Variants in EXOC2 observed in about 807,000 individuals in gnomAD.
EXOC2 encodes SEC5-like 1.
A neutral mutation model predicts 131.8 loss-of-function variants in EXOC2; 70 were observed. That is an observed-to-expected ratio of 0.53 (90% CI 0.44 to 0.65). The LOEUF (loss-of-function observed/expected upper bound fraction) is 0.65. EXOC2 is among the 30% of genes least tolerant of loss of function. The pLI, the probability that EXOC2 is intolerant of heterozygous loss-of-function variation, is 0.00. For synonymous variants in EXOC2, 411 were observed against 398.4 expected (o/e 1.03, Z -0.38); for missense variants, 923 against 1,108.6 (o/e 0.83, Z 2.38).
intron 23 of EXOC2, among the ~76,000 whole-genome samples, chr6:527,194 T>C (rs1765793710): frequency 6.6e-6 from 1 of 152,236 alleles, no homozygotes; most frequent in Admixed American, 6.5e-5. Context: ...GTCTGCAGTT[T>C]TCCATTTTTT....
At chr6:581,241 T>C (rs1294553688) in intron 11 of EXOC2, among the ~76,000 whole-genome samples, 1 of 148,428 alleles carries the variant, frequency 6.7e-6, no homozygotes, top group African/African-American at 2.5e-5. Flanking sequence ...GATTGCAGAA[T>C]GCCAAGATCA....
At chr6:516,657 G>C (rs1765180928) in intron 23 of EXOC2, among the ~76,000 whole-genome samples, 1 of 152,202 alleles carries the variant, frequency 6.6e-6, no homozygotes, top group Non-Finnish European at 1.5e-5. Flanking sequence ...ATAATAGCTG[G>C]GCTGGGGGAA....
chr6:614,895 C>A (rs1311006454), intron 6 of EXOC2, among the ~76,000 whole-genome samples: 2 of 151,624 alleles, frequency 1.3e-5, no homozygotes, highest in East Asian at 3.9e-4. Flanking sequence ...ACTATGAGAA[C>A]AGAGACTATG....
intron 25 of EXOC2, among the ~76,000 whole-genome samples, chr6:494,525 T>G (rs1763608133): frequency 6.6e-6 from 1 of 152,052 alleles, no homozygotes; most frequent in South Asian, 2.1e-4. Flanking sequence ...TTGACTGATG[T>G]ATACACCTGT....
chr6:589,360 TG>T (rs1203556692), intron 11 of EXOC2, among the ~76,000 whole-genome samples: 2 of 149,604 alleles, frequency 1.3e-5, no homozygotes, highest in Non-Finnish European at 3.0e-5. Context: ...TTCTCAATGC[TG>T]ATCTAGAGAA....
intron 25 of EXOC2, among the ~76,000 whole-genome samples, chr6:492,414 C>T (rs4959948): frequency 3.9e-5 from 6 of 152,146 alleles, no homozygotes; most frequent in Non-Finnish European, 5.9e-5. Context: ...TATGCACGCA[C>T]GAGACATGAA....
chr6:552,629 CAA>C (rs11315958), intron 21 of EXOC2, among the ~76,000 whole-genome samples: 2 of 151,770 alleles, frequency 1.3e-5, no homozygotes, highest in Non-Finnish European at 2.9e-5. Context: ...TCAACAACAA[CAA>C]AAAAAAACCC....
At chr6:671,048 C>CAA (rs376028047) in intron 1 of EXOC2, among the ~76,000 whole-genome samples, 4,720 of 82,302 alleles carry the variant, frequency 0.057, 244 homozygotes, top group Admixed American at 0.092. Flanking sequence ...GACTCCATCT[C>CAA]AAAAAAAAAA....
At chr6:658,654 T>C (rs1344695180) in intron 1 of EXOC2, among the ~76,000 whole-genome samples, 1 of 75,512 alleles carries the variant, frequency 1.3e-5, no homozygotes, top group East Asian at 5.2e-4. Context: ...TTTATATATA[T>C]ATATATATAT....
chr6:650,617 A>C (rs1358725294), intron 1 of EXOC2, among the ~76,000 whole-genome samples: 1 of 152,230 alleles, frequency 6.6e-6, no homozygotes, highest in East Asian at 1.9e-4. Flanking sequence ...TAGAAGAATA[A>C]ATTATCTTTT....
chr6:631,315 G>A (rs953666420), intron 3 of EXOC2, among the ~76,000 whole-genome samples: 3 of 152,102 alleles, frequency 2.0e-5, no homozygotes, highest in African/African-American at 4.8e-5. Flanking sequence ...CGAGGTGGGC[G>A]AATCACAAGG....
Position 665,575 on chromosome 6 carries a change from T to G in EXOC2, c.-44+27444A>C, listed in dbSNP as rs1225672619. On this transcript the variant is annotated intron_variant, in intron 1 of 27. Transcript: ENST00000230449. Reference sequence around the variant, plus strand: ...GCTGATAAAGAAACTGTGGTATATATATACAATGGAATACTATGCAGCCAT... The same window carrying G: ...GCTGATAAAGAAACTGTGGTATATAGATACAATGGAATACTATGCAGCCAT... Among the ~76,000 whole-genome samples, 5 of 152,176 alleles carry G rather than the reference T, an allele frequency of 3.3e-5. 1 individual carries two copies. The highest frequency in any genetic ancestry group is 1.5e-5 in the Non-Finnish European group (1 of 68,032).
rs771421496 is a variant in EXOC2 at position 656,505 on chromosome 6, G to T, written c.-43-18644C>A. On this transcript the variant is annotated intron_variant, in intron 1 of 27. Coordinates refer to ENST00000230449, the MANE Select transcript of EXOC2 (RefSeq NM_018303.6). ...CGCGTCGGAGGCGCGCAGGCTGGGCGGCAGGCAGTCCCGCCACACTCTCCT... is the reference window on the plus strand; with the variant it reads ...CGCGTCGGAGGCGCGCAGGCTGGGCTGCAGGCAGTCCCGCCACACTCTCCT... 1.9e-6 allele frequency: 3 copies of T among 1,605,774 alleles called. No homozygotes were observed. The African/African-American group carries it at 4.0e-5, about 21-fold the overall frequency.
chr6:684,898 C>G (rs1764573516), intron 1 of EXOC2, among the ~76,000 whole-genome samples: 1 of 152,136 alleles, frequency 6.6e-6, no homozygotes. Context: ...ATTTCAACAG[C>G]AGACAAGAAA....
chr6:682,532 C>T (rs187239066), intron 1 of EXOC2, among the ~76,000 whole-genome samples: 232 of 152,258 alleles, frequency 1.5e-3, no homozygotes, highest in African/African-American at 5.5e-3. Flanking sequence ...CATTTCCACA[C>T]ATGATTACTT....
intron 12 of EXOC2, among the ~76,000 whole-genome samples, chr6:574,919 G>A (rs1004666997): frequency 3.9e-5 from 6 of 152,246 alleles, no homozygotes; most frequent in African/African-American, 1.2e-4. Flanking sequence ...GGCAGGTGGC[G>A]TGCCACAGGG....
At chr6:572,419 G>A (rs373365041) in intron 13 of EXOC2, 101 bp downstream of exon 13, 45 of 1,401,406 alleles carry the variant, frequency 3.2e-5, no homozygotes, top group Admixed American at 9.7e-5. Context: ...GGCTAGAGAT[G>A]TTGGGCCTCT....
At chr6:567,377 G>C (rs1758023284) in intron 13 of EXOC2, among the ~76,000 whole-genome samples, 1 of 152,196 alleles carries the variant, frequency 6.6e-6, no homozygotes, top group African/African-American at 2.4e-5. Context: ...ATCACCTCCA[G>C]AGAGCGGCCT....
rs369258458 is a variant in EXOC2, at chr6:500,147, G to A, written c.2381-447C>T. Among the ~76,000 whole-genome samples the A allele has an allele frequency of 3.9e-5, 6 of 152,102 alleles. No individual in the cohort carries two copies. In the South Asian group the frequency reaches 1.0e-3, roughly 26 times the overall value. Reference sequence around the variant, plus strand: ...TAAGCAGTAACACAAAATACAGAGGGTGTTTAACAATGCTTATAAAATGCA... The same window carrying A: ...TAAGCAGTAACACAAAATACAGAGGATGTTTAACAATGCTTATAAAATGCA... On this transcript the variant is annotated intron_variant, in intron 23 of 27. Coordinates refer to ENST00000230449, the MANE Select transcript of EXOC2 (RefSeq NM_018303.6).
Sources: allele counts gnomAD v4.1 joint callset (sites outside exome capture counted in the v4.1 genomes callset), GRCh38; gene constraint gnomAD v4.1.1; transcripts MANE v1.5; gene names NCBI Gene and HGNC (gene_info 2026-07-23, HGNC 2026-07-21).